Variants in ELAVL4 observed in about 807,000 individuals in gnomAD.
ELAVL4 encodes the protein ELAV-like protein 4.
In ELAVL4, 1 loss-of-function variant was observed where a neutral mutation model predicts 35.6. That is an observed-to-expected ratio of 0.03 (90% CI 0.01 to 0.13). The LOEUF is 0.13. ELAVL4 is among the 10% of genes least tolerant of loss of function. The pLI is 1.00. For synonymous variants in ELAVL4, 156 were observed against 171.0 expected, an observed-to-expected ratio of 0.91 and a Z score of 0.69; for missense variants, 267 against 464.9, an observed-to-expected ratio of 0.57 and a Z score of 3.91.
At chr1:50,089,616 A>C (rs1017447262) in intron 1 of ELAVL4, among the ~76,000 whole-genome samples, 1 of 152,150 alleles carries the variant, frequency 6.6e-6, no homozygotes, top group Non-Finnish European at 1.5e-5. Context: ...TTAGCCAGGC[A>C]TGGTGGCATG....
chr1:50,093,182 A>G, intron 1 of ELAVL4, among the ~76,000 whole-genome samples: 1 of 152,242 alleles, frequency 6.6e-6, no homozygotes, highest in East Asian at 1.9e-4. Context: ...AGAAACATAC[A>G]TAGGTGCAAG....
At chr1:50,103,839 C>A, upstream of ELAVL4, 3 of 1,481,074 alleles carry the variant, frequency 2.0e-6, no homozygotes, top group South Asian at 1.3e-5. Flanking sequence ...AAGAGGTAAT[C>A]CAGACAGCCG....
chr1:50,112,020 T>C (rs1373887009), intron 1 of ELAVL4, among the ~76,000 whole-genome samples: 1 of 152,114 alleles, frequency 6.6e-6, no homozygotes, highest in Admixed American at 6.6e-5. Context: ...GATTAGGAAA[T>C]ATAATTGGCT....
chr1:50,193,898 T>C lies in ELAVL4; in HGVS notation c.488T>C (p.Ile163Thr). The C allele has an allele frequency of 6.2e-7, 1 of 1,614,042 alleles. No homozygotes were observed. The highest frequency in any genetic ancestry group is 8.5e-7 in the Non-Finnish European group (1 of 1,179,956). The change falls in exon 4 of 7, where the codon ATC (isoleucine) becomes ACC (threonine). Residue 163 changes from isoleucine (I) to threonine (T), a missense_variant. Around this residue, in one of 2 missense-constraint regions of ELAVL4, gnomAD observed 216 missense variants for 409.5 expected, o/e 0.53. Coordinates refer to ENST00000371824, the MANE Select transcript of ELAVL4 (RefSeq NM_001144774.3). ...TACGGCCGTATCATCACCTCACGAA[T>C]CCTGGTTGATCAAGTCACAGGTTAA... ...SQYGRIITSRILVDQVTGVSR... is the reference protein window; with the variant it reads ...SQYGRIITSRTLVDQVTGVSR...
chr1:50,123,752 G>C (rs568975336), intron 1 of ELAVL4, among the ~76,000 whole-genome samples: 1 of 152,116 alleles, frequency 6.6e-6, no homozygotes, highest in East Asian at 1.9e-4. Context: ...GTTCCCTACT[G>C]TTGCTCACAC....
chr1:50,184,398 CAAA>C (rs33990892), intron 3 of ELAVL4, among the ~76,000 whole-genome samples: 1 of 141,924 alleles, frequency 7.0e-6, no homozygotes, highest in Non-Finnish European at 1.5e-5. Context: ...TGAGCTGCTT[CAAA>C]AAAAAAAAAA....
At chr1:50,115,023 T>A (rs1667705906) in intron 1 of ELAVL4, 1 of 152,032 alleles carries the variant, frequency 6.6e-6, no homozygotes, top group Non-Finnish European at 1.5e-5. Flanking sequence ...GGTGACTTTC[T>A]CTCTCTTTCT....
chr1:50,150,789 A>C (rs1282060775), intron 2 of ELAVL4, among the ~76,000 whole-genome samples: 1 of 152,246 alleles, frequency 6.6e-6, no homozygotes, highest in Non-Finnish European at 1.5e-5. Context: ...ACTCACTCCC[A>C]AAATGTGAAT....
At chr1:50,087,487 G>A (rs1270077465) in intron 1 of ELAVL4, among the ~76,000 whole-genome samples, 1 of 152,118 alleles carries the variant, frequency 6.6e-6, no homozygotes, top group African/African-American at 2.4e-5. Context: ...ATAACCTATT[G>A]AAGATAAATA....
chr1:50,111,210 A>G (rs1419371538), intron 1 of ELAVL4, among the ~76,000 whole-genome samples: 1 of 146,350 alleles, frequency 6.8e-6, no homozygotes, highest in Non-Finnish European at 1.5e-5. Flanking sequence ...AGAGGAGGTG[A>G]GGGGGAAGGG....
chr1:50,160,747 C>T (rs1676656987), intron 2 of ELAVL4, among the ~76,000 whole-genome samples: 1 of 152,212 alleles, frequency 6.6e-6, no homozygotes, highest in African/African-American at 2.4e-5. Flanking sequence ...CCATAAATGT[C>T]TTTCACTTTG....
chr1:50,057,801 G>A (rs1219962184), intron 1 of ELAVL4, among the ~76,000 whole-genome samples: 3 of 152,148 alleles, frequency 2.0e-5, no homozygotes, highest in Non-Finnish European at 2.9e-5. Context: ...TATCCCCATT[G>A]TTAAGCAACA....
intron 1 of ELAVL4, among the ~76,000 whole-genome samples, chr1:50,140,600 T>C (rs939803348): frequency 4.0e-5 from 6 of 151,062 alleles, no homozygotes; most frequent in Non-Finnish European, 8.8e-5. Flanking sequence ...CATTTCTGAT[T>C]TTTTTTTTCA....
chr1:50,166,013 G>C (rs988218071), intron 2 of ELAVL4, among the ~76,000 whole-genome samples: 2 of 151,920 alleles, frequency 1.3e-5, no homozygotes, highest in East Asian at 3.9e-4. Context: ...AGGCTGGGAG[G>C]CTAGGCCAGT....
chr1:50,195,649 C>T lies in ELAVL4; in HGVS notation c.597C>T (p.Ser199=), dbSNP rs770461378. ...AAGGGCTGAATGGCCAGAAGCCCAGCGGTGCTACGGAACCGATTACTGTGA... is the reference window on the plus strand; with the variant it reads ...AAGGGCTGAATGGCCAGAAGCCCAGTGGTGCTACGGAACCGATTACTGTGA... ...AIKGLNGQKP[S]GATEPITVKF... is the part of the protein sequence containing the mutation. The change falls in exon 5 of 7, where the codon AGC becomes AGT. Residue 199 remains serine (S), a synonymous_variant. Transcript: ENST00000371824. 12 of 1,614,036 alleles carry T rather than the reference C, an allele frequency of 7.4e-6. No homozygotes were observed. The highest frequency in any genetic ancestry group is 1.7e-5 in the Admixed American group (1 of 60,008).
intron 1 of ELAVL4, among the ~76,000 whole-genome samples, chr1:50,086,105 G>A (rs1347703795): frequency 2.6e-5 from 4 of 151,932 alleles, no homozygotes; most frequent in African/African-American, 9.7e-5. Context: ...TATTTTTCCA[G>A]CTTGTCTTCC....
intron 2 of ELAVL4, among the ~76,000 whole-genome samples, chr1:50,170,993 A>G (rs1363205319): frequency 6.6e-6 from 1 of 152,150 alleles, no homozygotes; most frequent in Non-Finnish European, 1.5e-5. Flanking sequence ...TGATCATGCC[A>G]CCATACTCCA....
chr1:50,194,958 T>C (rs1205165886), intron 4 of ELAVL4, among the ~76,000 whole-genome samples: 2 of 152,090 alleles, frequency 1.3e-5, no homozygotes, highest in African/African-American at 4.8e-5. Flanking sequence ...TGAGCCTCAA[T>C]AGGGAATTTG....
chr1:50,079,884 T>G (rs1428149726), intron 1 of ELAVL4, among the ~76,000 whole-genome samples: 1 of 152,242 alleles, frequency 6.6e-6, no homozygotes, highest in Non-Finnish European at 1.5e-5. Context: ...GCAGTTAGTA[T>G]ACACCCTTGT....
Sources: allele counts gnomAD v4.1 joint callset (sites outside exome capture counted in the v4.1 genomes callset), GRCh38; gene constraint gnomAD v4.1.1; regional missense constraint gnomAD v4.1.1; transcripts MANE v1.5; gene names NCBI Gene and HGNC (gene_info 2026-07-23, HGNC 2026-07-21).